SHC4: variants seen among roughly 807,000 people sequenced by gnomAD.
SHC4 encodes the protein SHC adaptor protein 4, also known as SHC-transforming protein 4.
A neutral mutation model predicts 69.4 loss-of-function variants in SHC4; 41 were observed. The ratio of observed to expected loss-of-function variants is 0.59; its 90% CI spans 0.46 to 0.77. The LOEUF (loss-of-function observed/expected upper bound fraction) is 0.77, where lower values mean the gene tolerates loss of function less well. SHC4 is among the 30% of genes least tolerant of loss of function. The pLI, the probability that SHC4 is intolerant of heterozygous loss-of-function variation, is 0.00. For synonymous variants in SHC4, 318 were observed against 299.3 expected, an observed-to-expected ratio of 1.06 and a Z score of -0.64; for missense variants, 777 against 783.8, an observed-to-expected ratio of 0.99 and a Z score of 0.10.
chr15:48,891,955 T>C (rs892091037), intron 2 of SHC4, among the ~76,000 whole-genome samples: 17 of 152,056 alleles, frequency 1.1e-4, no homozygotes, highest in Non-Finnish European at 1.8e-4. Context: ...CCCGGGTTCA[T>C]GCCATTCTCC....
At chr15:48,853,166 C>T (rs1246193710) in intron 8 of SHC4, among the ~76,000 whole-genome samples, 1 of 151,978 alleles carries the variant, frequency 6.6e-6, no homozygotes, top group East Asian at 1.9e-4. Context: ...AAAAATCTAG[C>T]ATTTCTATAA....
At chr15:48,842,253 A>G (rs1899005874) in intron 10 of SHC4, among the ~76,000 whole-genome samples, 1 of 152,210 alleles carries the variant, frequency 6.6e-6, no homozygotes, top group African/African-American at 2.4e-5. Context: ...AAAGGAGCCA[A>G]CTTATTTTAG....
chr15:48,960,901 C>T (rs1901536113), intron 1 of SHC4, among the ~76,000 whole-genome samples: 2 of 152,136 alleles, frequency 1.3e-5, no homozygotes, highest in South Asian at 2.1e-4. Context: ...CTTTACAACC[C>T]TCCATCAATA....
chr15:48,876,679 A>G (rs1899807518), intron 4 of SHC4: 4 of 617,766 alleles, frequency 6.5e-6, no homozygotes, highest in Non-Finnish European at 8.8e-6. Context: ...AGAAAGATTT[A>G]GGCTGGGAGG....
intron 2 of SHC4, among the ~76,000 whole-genome samples, chr15:48,908,959 T>A (rs750160649): frequency 1.3e-5 from 2 of 152,232 alleles, no homozygotes; most frequent in African/African-American, 4.8e-5. Flanking sequence ...GGCACTATAG[T>A]ATCGTTTGAA....
intron 1 of SHC4, among the ~76,000 whole-genome samples, chr15:48,953,547 C>T (rs1222589094): frequency 6.6e-6 from 1 of 152,178 alleles, no homozygotes; most frequent in African/African-American, 2.4e-5. Flanking sequence ...GTGTCAGTTT[C>T]CTCTCCATCT....
At chr15:48,943,232 A>G (rs1901207211) in intron 1 of SHC4, among the ~76,000 whole-genome samples, 1 of 152,104 alleles carries the variant, frequency 6.6e-6, no homozygotes, top group East Asian at 1.9e-4. Context: ...GCAAGTTTGG[A>G]CCCCTTGACC....
At position 48,862,192 on chromosome 15, in the gene SHC4, TG is replaced by T. The variant is rs199609854; in HGVS notation, c.947-4378del. Among the ~76,000 whole-genome samples, 271 of 148,392 alleles carry T rather than the reference TG, an allele frequency of 1.8e-3. 2 individuals carry two copies. The East Asian group carries it at 0.033, about 18-fold the overall frequency. On this transcript the variant is annotated intron_variant, in intron 6 of 11. Transcript: ENST00000332408. ...TAATTTAAGTTGGTTTTACTGGTTT[TG>T]GGGTTTTTTTTTTTTTAACTTTCTT... is the stretch of plus-strand genomic sequence containing the variant.
chr15:48,878,123 G>A (rs1028094681), intron 4 of SHC4: 4 of 1,507,928 alleles, frequency 2.7e-6, no homozygotes, highest in African/African-American at 1.4e-5. Context: ...ACGCACGGCC[G>A]CGCAGCATCT....
rs1403478601 is a variant in SHC4 at position 48,884,247 on chromosome 15, C to G, written c.840+1G>C. The G allele has an allele frequency of 6.3e-7, 1 of 1,593,244 alleles. No homozygotes were observed. The highest frequency in any genetic ancestry group is 2.3e-5 in the East Asian group (1 of 44,138). ...TCTATAAATGACATTTGTGATCTTA[C>G]CTGTTGGTTGTCAAGATTCATCAAT... is the stretch of plus-strand genomic sequence containing the variant. On this transcript the variant is annotated splice_donor_variant, in intron 4 of 11. Transcript: ENST00000332408. LOFTEE classifies it high-confidence loss of function.
rs1350532149 is a variant in SHC4 at position 48,962,995 on chromosome 15, G to A, written c.21C>T (p.Asp7=). The A allele has an allele frequency of 1.9e-6, 3 of 1,608,706 alleles. No individual in the cohort carries two copies. Among genetic ancestry groups the A allele is most frequent in the Middle Eastern group, 3.3e-4 (2 of 6,042 alleles). Residue 7 remains aspartate (D), a synonymous_variant, in exon 1 of 12, where the codon GAC becomes GAT. Transcript: ENST00000332408. ...CATACAGCACGAGTCCTGCCAGGCT[G>A]TCCTGGCCGCGTTCTCGCATAGCCT... is the stretch of plus-strand genomic sequence containing the variant. MRERGQ[D]SLAGLVLYVG...
chr15:48,883,656 T>C (rs970617265), intron 4 of SHC4, among the ~76,000 whole-genome samples: 4 of 152,218 alleles, frequency 2.6e-5, no homozygotes, highest in Non-Finnish European at 5.9e-5. Context: ...CTTCTACATT[T>C]GCTTCAGCAA....
intron 6 of SHC4, among the ~76,000 whole-genome samples, chr15:48,859,559 T>C (rs1469005237): frequency 1.3e-5 from 2 of 152,210 alleles, no homozygotes; most frequent in African/African-American, 4.8e-5. Context: ...ATATTGTTCC[T>C]ATATTTTTCT....
At chr15:48,904,074 G>A (rs1337376366) in intron 2 of SHC4, among the ~76,000 whole-genome samples, 2 of 152,098 alleles carry the variant, frequency 1.3e-5, no homozygotes, top group African/African-American at 4.8e-5. Context: ...AGACCTTCCA[G>A]AGAGAATTCA....
intron 4 of SHC4, among the ~76,000 whole-genome samples, chr15:48,872,900 T>G (rs1899712719): frequency 6.6e-6 from 1 of 152,186 alleles, no homozygotes; most frequent in African/African-American, 2.4e-5. Flanking sequence ...GAAGGTTCAT[T>G]AAAACACCAA....
At chr15:48,831,430 C>A (rs1048848049) in intron 11 of SHC4, among the ~76,000 whole-genome samples, 1 of 152,086 alleles carries the variant, frequency 6.6e-6, no homozygotes. Context: ...CATAGGTGTA[C>A]CATTTCAAAT....
chr15:48,962,450 C>T lies in SHC4; in HGVS notation c.566G>A (p.Gly189Asp). The T allele has an allele frequency of 1.3e-6, 2 of 1,522,526 alleles. No homozygotes were observed. Among genetic ancestry groups the T allele is most frequent in the South Asian group, 1.3e-5 (1 of 75,516 alleles). The allele number at this position is 1,522,526 out of a possible 1,614,324, so 94.3% of individuals were successfully genotyped here. A position where few individuals can be genotyped will look rare whatever the true frequency, so the allele number is the denominator to read the frequency against. Residue 189 changes from glycine (G) to aspartate (D), a missense_variant, in exon 1 of 12, where the codon GGC becomes GAC. Coordinates refer to ENST00000332408, the MANE Select transcript of SHC4 (RefSeq NM_203349.4). ...ACTTACCCTCACACAGTAGTTCATG[C>T]CCATCCCCAACAGGTGCTGTAGAAA... ...RHFLQHLLGM[G>D]MNYCVRYMGC...
intron 1 of SHC4, among the ~76,000 whole-genome samples, chr15:48,927,607 G>C (rs868014824): frequency 1.3e-5 from 2 of 152,084 alleles, no homozygotes; most frequent in Middle Eastern, 3.4e-3. Flanking sequence ...TAGACCCTGG[G>C]GTTCCTGGCC....
intron 2 of SHC4, among the ~76,000 whole-genome samples, chr15:48,913,648 G>T (rs1364086755): frequency 6.6e-6 from 1 of 152,140 alleles, no homozygotes; most frequent in Non-Finnish European, 1.5e-5. Context: ...TTGTCACAAA[G>T]TTCTACTAGA....
Sources: gnomAD v4.1 joint callset for allele counts (sites outside exome capture counted in the v4.1 genomes callset) on GRCh38, gnomAD v4.1.1 for gene constraint, MANE v1.5 for transcripts, NCBI Gene and HGNC (gene_info 2026-07-23, HGNC 2026-07-21) for gene names.